Variants in EPHA6 observed in about 807,000 individuals in gnomAD.
The protein encoded by EPHA6 is EPH receptor A6, also known as ephrin type-A receptor 6.
Under a neutral mutation model 112.0 loss-of-function variants are expected in EPHA6, and 50 were observed. That is an observed-to-expected ratio of 0.45 (90% CI 0.36 to 0.56). The LOEUF (loss-of-function observed/expected upper bound fraction) is 0.56, where lower values mean the gene tolerates loss of function less well. Ranked by LOEUF, EPHA6 falls within the 20% of genes least tolerant of loss-of-function variation. The probability of loss-of-function intolerance (pLI) is 0.00; values close to 1 mark genes in which losing one functional copy is unlikely to be tolerated. For synonymous variants in EPHA6, 529 were observed against 490.7 expected (o/e 1.08, Z -1.03); for missense variants, 1,280 against 1,417.4 (o/e 0.90, Z 1.56).
intron 4 of EPHA6, among the ~76,000 whole-genome samples, chr3:97,241,768 T>G (rs538446616): frequency 5.5e-4 from 83 of 150,220 alleles, no homozygotes; most frequent in South Asian, 1.0e-3. Flanking sequence ...TTTTTTTTTT[T>G]TTGTTTTTTT....
At chr3:97,615,261 G>A (rs1417209195) in intron 13 of EPHA6, among the ~76,000 whole-genome samples, 5 of 152,100 alleles carry the variant, frequency 3.3e-5, no homozygotes, top group Admixed American at 6.6e-5. Flanking sequence ...ATGCCCTTGC[G>A]AACCCACTCC....
chr3:97,049,574 A>G (rs2045620652), intron 3 of EPHA6, among the ~76,000 whole-genome samples: 1 of 152,200 alleles, frequency 6.6e-6, no homozygotes, highest in African/African-American at 2.4e-5. Flanking sequence ...ATCAGTACAC[A>G]AATTATGTGG....
chr3:97,141,945 C>T (rs979344942), intron 3 of EPHA6, among the ~76,000 whole-genome samples: 1 of 151,870 alleles, frequency 6.6e-6, no homozygotes, highest in Non-Finnish European at 1.5e-5. Flanking sequence ...CAGTGTTTGC[C>T]CCAAGATAAC....
At chr3:96,846,313 T>G (rs1359360778) in intron 1 of EPHA6, among the ~76,000 whole-genome samples, 1 of 152,044 alleles carries the variant, frequency 6.6e-6, no homozygotes, top group Non-Finnish European at 1.5e-5. Flanking sequence ...AGAAGCTTGT[T>G]TATAAATAAA....
intron 2 of EPHA6, among the ~76,000 whole-genome samples, chr3:96,979,445 T>G (rs1220319391): frequency 6.6e-6 from 1 of 152,176 alleles, no homozygotes; most frequent in African/African-American, 2.4e-5. Context: ...TAATCCAGTC[T>G]ATCATTGATG....
intron 5 of EPHA6, among the ~76,000 whole-genome samples, chr3:97,319,722 C>CAAAAT (rs1312081541): frequency 1.4e-5 from 2 of 145,024 alleles, no homozygotes; most frequent in African/African-American, 2.6e-5. Flanking sequence ...CAAAACAAAA[C>CAAAAT]GAAAAAAACA....
intron 5 of EPHA6, among the ~76,000 whole-genome samples, chr3:97,400,115 G>A (rs900040535): frequency 1.3e-5 from 2 of 151,642 alleles, no homozygotes; most frequent in Admixed American, 1.3e-4. Flanking sequence ...GTTGATTTTT[G>A]TATATGGTGA....
chr3:97,725,214 T>C lies in EPHA6; in HGVS notation c.2934+4804T>C, dbSNP rs533902548. Among the ~76,000 whole-genome samples the C allele has an allele frequency of 1.7e-4, 26 of 152,218 alleles. No homozygotes were observed. The South Asian group carries it at 5.4e-3, about 32-fold the overall frequency. ...TTCTTTACATTCCAGGGCTCAGTAT[T>C]CCAGCTTTGCAACCCCAGCAAAACG... On this transcript the variant is annotated intron_variant, in intron 15 of 17. Transcript: ENST00000389672.
At chr3:96,975,442 A>C (rs2042483894) in intron 2 of EPHA6, among the ~76,000 whole-genome samples, 1 of 152,156 alleles carries the variant, frequency 6.6e-6, no homozygotes, top group African/African-American at 2.4e-5. Context: ...TCCATGAAAC[A>C]CTGGGTAATT....
intron 3 of EPHA6, among the ~76,000 whole-genome samples, chr3:97,210,975 T>A (rs111719398): frequency 0.051 from 7,833 of 152,186 alleles, 656 homozygotes; most frequent in African/African-American, 0.18. Flanking sequence ...CGCGTGGCCA[T>A]CTCCATGGCT....
chr3:97,246,473 A>G (rs1035138072), intron 5 of EPHA6, among the ~76,000 whole-genome samples: 2 of 151,878 alleles, frequency 1.3e-5, no homozygotes, highest in African/African-American at 4.8e-5. Flanking sequence ...ATGTTGTTAT[A>G]TGGAAAAAAG....
intron 2 of EPHA6, among the ~76,000 whole-genome samples, chr3:96,888,329 CT>C (rs1266940263): frequency 6.6e-6 from 1 of 152,158 alleles, no homozygotes; most frequent in East Asian, 1.9e-4. Flanking sequence ...AAGTCAGAAA[CT>C]TCTCCCACAA....
At chr3:97,087,374 G>A (rs964105481) in intron 3 of EPHA6, among the ~76,000 whole-genome samples, 1 of 152,112 alleles carries the variant, frequency 6.6e-6, no homozygotes, top group African/African-American at 2.4e-5. Flanking sequence ...GCTAAATTTA[G>A]CATGGGAGAG....
At chr3:97,583,437 G>A (rs1331581143) in intron 11 of EPHA6, among the ~76,000 whole-genome samples, 1 of 151,994 alleles carries the variant, frequency 6.6e-6, no homozygotes, top group African/African-American at 2.4e-5. Context: ...TACTCTGGAG[G>A]CTGAGGCAGG....
chr3:97,094,595 T>C (rs1195035100), intron 3 of EPHA6, among the ~76,000 whole-genome samples: 1 of 152,180 alleles, frequency 6.6e-6, no homozygotes, highest in African/African-American at 2.4e-5. Context: ...TTCTCAGTTA[T>C]TAAAATCTGG....
At chr3:97,378,597 A>G (rs2085520994) in intron 5 of EPHA6, among the ~76,000 whole-genome samples, 1 of 152,174 alleles carries the variant, frequency 6.6e-6, no homozygotes, top group African/African-American at 2.4e-5. Flanking sequence ...GTGCCCTTCA[A>G]AGCCACAGGA....
chr3:97,733,731 G>A (rs996439092), intron 15 of EPHA6, among the ~76,000 whole-genome samples: 2 of 152,020 alleles, frequency 1.3e-5, no homozygotes, highest in Non-Finnish European at 2.9e-5. Flanking sequence ...AAATGACTCT[G>A]TTCAGTTTGA....
chr3:97,033,124 G>A (rs2044940018), intron 3 of EPHA6, among the ~76,000 whole-genome samples: 1 of 151,942 alleles, frequency 6.6e-6, no homozygotes, highest in Admixed American at 6.6e-5. Flanking sequence ...TCCTGAGCAA[G>A]CGGTATTATG....
chr3:97,495,283 A>G (rs1337978847), intron 10 of EPHA6, among the ~76,000 whole-genome samples: 1 of 150,836 alleles, frequency 6.6e-6, no homozygotes, highest in Non-Finnish European at 1.5e-5. Flanking sequence ...AATATGAACC[A>G]TATATATCAT....
Sources: allele counts gnomAD v4.1 joint callset (sites outside exome capture counted in the v4.1 genomes callset), GRCh38; gene constraint gnomAD v4.1.1; transcripts MANE v1.5; gene names NCBI Gene and HGNC (gene_info 2026-07-23, HGNC 2026-07-21).